Variants in CYP3A7 observed in about 807,000 individuals in gnomAD.
The protein encoded by CYP3A7 is cytochrome P450 family 3 subfamily A member 7, also known as cytochrome P450 3A7.
A neutral mutation model predicts 55.2 loss-of-function variants in CYP3A7; 45 were observed. The ratio of observed to expected loss-of-function variants is 0.82; its 90% CI spans 0.64 to 1.05. The LOEUF (loss-of-function observed/expected upper bound fraction) is 1.05, where lower values mean the gene tolerates loss of function less well. Ranked by LOEUF, CYP3A7 falls within the 50% of genes least tolerant of loss-of-function variation. CYP3A7 has a pLI of 0.00. For missense variants in CYP3A7, 548 were observed against 605.3 expected (o/e 0.91, Z 0.99); for synonymous variants, 180 against 207.4 (o/e 0.87, Z 1.13).
At position 99,713,519 on chromosome 7, in the gene CYP3A7, A is replaced by C. The variant is rs1399737599; in HGVS notation, c.815T>G (p.Leu272Arg). The change falls in exon 9 of 13, where the codon CTT becomes CGT. Residue 272 changes from leucine to arginine, a missense_variant. Coordinates refer to ENST00000336374, the MANE Select transcript of CYP3A7 (RefSeq NM_000765.5). ...ATTCTGAGAGTCAATCATCAGCTGA[A>C]GGAAATCCACTCGGTGCTAGAAGCA... ...KETQKHRVDF[L>R]QLMIDSQNSK... is the part of the protein sequence containing the mutation. 6.2e-7 allele frequency: 1 copy of C among 1,613,368 alleles called. No homozygotes were observed. The highest frequency in any genetic ancestry group is 1.3e-5 in the African/African-American group (1 of 74,870).
chr7:99,723,312 C>T (rs1441578670), intron 2 of CYP3A7, among the ~76,000 whole-genome samples: 5 of 152,260 alleles, frequency 3.3e-5, no homozygotes, highest in African/African-American at 2.4e-5. Context: ...ATCGATTGAT[C>T]GACCTCGTGA....
At chr7:99,717,431 C>T (rs1814001644) in intron 5 of CYP3A7, 95 bp downstream of exon 5, 1 of 1,584,542 alleles carries the variant, frequency 6.3e-7, no homozygotes, top group African/African-American at 1.3e-5. Context: ...ATTCAGCAGA[C>T]TACTCCTCGG....
At chr7:99,726,334 A>G (rs1420709219) in intron 2 of CYP3A7, among the ~76,000 whole-genome samples, 1 of 152,198 alleles carries the variant, frequency 6.6e-6, no homozygotes, top group Admixed American at 6.5e-5. Context: ...TCTAAAGCCT[A>G]CAAACTCTCC....
In CYP3A7 at chr7:99,712,650, TGATA is replaced by T. The variant is rs138482797; in HGVS notation, c.865+815_865+818del. On this transcript the variant is annotated intron_variant, in intron 9 of 12. Transcript: ENST00000336374. ...GATAAATAGATGATTGATGGACAGA[TGATA>T]GATAGATAGACAGACAGACAGAAGT... is the stretch of plus-strand genomic sequence containing the variant. Among the ~76,000 whole-genome samples the T allele has an allele frequency of 3.3e-3, 508 of 152,228 alleles. 1 individual carries two copies. The highest frequency in any genetic ancestry group is 0.012 in the African/African-American group (480 of 41,530).
At chr7:99,712,830 T>C (rs1813807421) in intron 9 of CYP3A7, among the ~76,000 whole-genome samples, 2 of 152,180 alleles carry the variant, frequency 1.3e-5, no homozygotes, top group Admixed American at 1.3e-4. Flanking sequence ...TTGCCACTCA[T>C]AGTAACAATG....
chr7:99,708,698 G>T (rs1403196), intron 11 of CYP3A7, among the ~76,000 whole-genome samples: 113,864 of 152,076 alleles, frequency 0.75, 46,179 homozygotes, highest in Non-Finnish European at 0.91. Flanking sequence ...GAAGATTTGA[G>T]TATATTCAGG....
rs114900325 is a variant in CYP3A7 at position 99,714,580 on chromosome 7, T to C, written c.773A>G (p.Glu258Gly). 4 of 1,613,266 alleles carry C rather than the reference T, an allele frequency of 2.5e-6. No individual in the cohort carries two copies. The East Asian group carries it at 6.7e-5, about 27-fold the overall frequency. ...CTTTTGTGTCTCTTTGAGGCGACCT[T>C]CTTTTATCTGTTTTACAGATTTTGT... ...FLTKSVKQIK[E>G]GRLKETQKHR... is the part of the protein sequence containing the mutation. Residue 258 changes from glutamate to glycine, a missense_variant, in exon 8 of 13, where the codon GAA (glutamate) becomes GGA (glycine). Glu to Gly is a moderately conservative substitution (Grantham distance 98). Coordinates refer to ENST00000336374, the MANE Select transcript of CYP3A7 (RefSeq NM_000765.5).
At chr7:99,723,941 A>G (rs941925050) in intron 2 of CYP3A7, among the ~76,000 whole-genome samples, 2 of 152,218 alleles carry the variant, frequency 1.3e-5, no homozygotes, top group Middle Eastern at 3.4e-3. Context: ...CACATTTCAG[A>G]GGTATCTGAT....
chr7:99,730,936 A>ACACG, intron 2 of CYP3A7, 123 bp downstream of exon 2: 1 of 1,315,806 alleles, frequency 7.6e-7, no homozygotes, highest in Non-Finnish European at 1.1e-6. Flanking sequence ...GGTGATGCCT[A>ACACG]CACGCTATTT....
intron 10 of CYP3A7, 37 bp downstream of exon 10, chr7:99,710,695 C>T (rs1315601283): frequency 6.2e-7 from 1 of 1,613,522 alleles, no homozygotes; most frequent in East Asian, 2.2e-5. Context: ...GCTAAGGCTT[C>T]ACCTCCTCCC....
chr7:99,723,592 T>C (rs941742113), intron 2 of CYP3A7, among the ~76,000 whole-genome samples: 1 of 152,170 alleles, frequency 6.6e-6, no homozygotes, highest in African/African-American at 2.4e-5. Flanking sequence ...GCCAAAGACC[T>C]GGGACAGGGG....
chr7:99,712,087 AT>A (rs1477465954), intron 9 of CYP3A7, among the ~76,000 whole-genome samples: 1 of 152,026 alleles, frequency 6.6e-6, no homozygotes, highest in East Asian at 1.9e-4. Flanking sequence ...CCCTCTCTTG[AT>A]TTTTTTCCTG....
chr7:99,723,624 C>T (rs867432515), intron 2 of CYP3A7, among the ~76,000 whole-genome samples: 30 of 152,106 alleles, frequency 2.0e-4, no homozygotes, highest in African/African-American at 7.0e-4. Flanking sequence ...GAGTCCCATC[C>T]CCTGTCCTCG....
intron 3 of CYP3A7, 45 bp downstream of exon 3, chr7:99,722,251 A>G (rs1432498913): frequency 1.2e-6 from 2 of 1,611,192 alleles, no homozygotes; most frequent in African/African-American, 1.3e-5. Flanking sequence ...GGGTAAACTC[A>G]TCATAGAAAC....
chr7:99,717,494 G>C (rs749504512), intron 5 of CYP3A7, 32 bp downstream of exon 5: 2 of 1,612,128 alleles, frequency 1.2e-6, no homozygotes, highest in South Asian at 2.2e-5. Flanking sequence ...CATTCTTTAA[G>C]TTTCTAATTA....
chr7:99,725,643 T>C (rs1279720160), intron 2 of CYP3A7, among the ~76,000 whole-genome samples: 2 of 152,202 alleles, frequency 1.3e-5, no homozygotes, highest in Non-Finnish European at 2.9e-5. Context: ...TTGGACTGTC[T>C]GACTCACATC....
intron 1 of CYP3A7, 120 bp from the exon 2 acceptor site, chr7:99,731,272 AAAAT>A (rs1380111477): frequency 9.0e-7 from 1 of 1,107,456 alleles, no homozygotes; most frequent in African/African-American, 1.6e-5. Context: ...AAGGCAATAA[AAAAT>A]AACAGTAACT....
chr7:99,731,210 TG>T, intron 1 of CYP3A7, 58 bp from the exon 2 acceptor site: 1 of 1,600,050 alleles, frequency 6.2e-7, no homozygotes, highest in Non-Finnish European at 8.6e-7. Context: ...ATATAGGGGC[TG>T]GTGAGTCACT....
At chr7:99,715,626 ACATAT>A (rs1267337143) in intron 7 of CYP3A7, 127 bp downstream of exon 7, 2 of 1,479,964 alleles carry the variant, frequency 1.4e-6, no homozygotes, top group Admixed American at 1.7e-5. Context: ...TGATGGTCGT[ACATAT>A]CTTCAAATGT....
Sources: gnomAD v4.1 joint callset for allele counts (sites outside exome capture counted in the v4.1 genomes callset) on GRCh38, gnomAD v4.1.1 for gene constraint, MANE v1.5 for transcripts, NCBI Gene and HGNC (gene_info 2026-07-23, HGNC 2026-07-21) for gene names.